SUSD5: variants seen among roughly 807,000 people sequenced by gnomAD.
The protein encoded by SUSD5 is sushi domain containing 5.
A neutral mutation model predicts 29.5 loss-of-function variants in SUSD5; 33 were observed. The ratio of observed to expected loss-of-function variants is 1.12; its 90% confidence interval spans 0.85 to 1.49. SUSD5 has a LOEUF of 1.49. Among genes scored for constraint, SUSD5 ranks in the 40% most tolerant of loss-of-function variants. The pLI, the probability that SUSD5 is intolerant of heterozygous loss-of-function variation, is 0.00. For synonymous variants in SUSD5, 308 were observed against 325.3 expected, an observed-to-expected ratio of 0.95 and a Z score of 0.57; for missense variants, 776 against 800.6, an observed-to-expected ratio of 0.97 and a Z score of 0.37.
At position 33,183,930 on chromosome 3, in the gene SUSD5, C is replaced by CTTTTTTTTT. The variant is rs68055129; in HGVS notation, c.410-8865_410-8857dup. Among the ~76,000 whole-genome samples the CTTTTTTTTT allele has an allele frequency of 5.0e-3, 313 of 62,574 alleles. 20 individuals are homozygous for CTTTTTTTTT. Among genetic ancestry groups the CTTTTTTTTT allele is most frequent in the Non-Finnish European group, 6.3e-3 (224 of 35,464 alleles). 41.1% of individuals were successfully genotyped at this position (62,574 alleles called of 152,430 possible). On this transcript the variant is annotated intron_variant, in intron 3 of 4. Transcript: ENST00000309558. ...AACACTTTAAATATTTTATTACCCT[C>CTTTTTTTTT]TTTTTTTTTTTTTTTTTTTTTTTTT...
At chr3:33,217,790 GCTTTTCT>G (rs2032451109) in intron 1 of SUSD5, among the ~76,000 whole-genome samples, 3 of 152,034 alleles carry the variant, frequency 2.0e-5, no homozygotes, top group Admixed American at 2.0e-4. Flanking sequence ...TTGACGGAGG[GCTTTTCT>G]CTTTTATCAG....
chr3:33,198,442 T>C (rs929298410), intron 3 of SUSD5, among the ~76,000 whole-genome samples: 2 of 152,226 alleles, frequency 1.3e-5, no homozygotes, highest in Non-Finnish European at 1.5e-5. Context: ...TTCACTTTCT[T>C]GTCATAAACA....
chr3:33,175,739 T>C (rs2031539183), intron 3 of SUSD5, among the ~76,000 whole-genome samples: 1 of 152,076 alleles, frequency 6.6e-6, no homozygotes, highest in African/African-American at 2.4e-5. Flanking sequence ...TACAGAGAGT[T>C]CCCCTATACC....
intron 4 of SUSD5, among the ~76,000 whole-genome samples, chr3:33,155,905 A>C (rs1402509802): frequency 6.6e-6 from 1 of 152,236 alleles, no homozygotes; most frequent in Admixed American, 6.5e-5. Context: ...GGTATGGTAC[A>C]AACAGGACTT....
intron 4 of SUSD5, among the ~76,000 whole-genome samples, chr3:33,165,416 T>C (rs947879821): frequency 1.1e-4 from 16 of 152,188 alleles, no homozygotes; most frequent in African/African-American, 3.9e-4. Context: ...GTGGTCTGCT[T>C]CTTGACCTGG....
intron 2 of SUSD5, among the ~76,000 whole-genome samples, chr3:33,208,137 T>C (rs147936133): frequency 2.0e-4 from 31 of 152,340 alleles, no homozygotes; most frequent in African/African-American, 5.8e-4. Flanking sequence ...TAGGTATCAA[T>C]TCGAGTTTCA....
intron 4 of SUSD5, among the ~76,000 whole-genome samples, chr3:33,165,340 T>C (rs930633190): frequency 6.6e-6 from 1 of 152,168 alleles, no homozygotes; most frequent in Non-Finnish European, 1.5e-5. Flanking sequence ...GTAGTGTGGA[T>C]AGTGGTTACT....
intron 3 of SUSD5, among the ~76,000 whole-genome samples, chr3:33,176,063 C>T (rs1474993855): frequency 6.6e-6 from 1 of 152,198 alleles, no homozygotes; most frequent in East Asian, 1.9e-4. Context: ...CCATAGTTTG[C>T]CTTTTCCAGA....
chr3:33,155,585 TGGGTACCAA>T (rs1232238795), intron 4 of SUSD5, among the ~76,000 whole-genome samples: 1 of 152,170 alleles, frequency 6.6e-6, no homozygotes, highest in Non-Finnish European at 1.5e-5. Context: ...TGTGTGCATA[TGGGTACCAA>T]AAGACACGCC....
Position 33,169,048 on chromosome 3 carries a change from T to A in SUSD5, c.598+5838A>T, listed in dbSNP as rs572427134. 5.3e-5 allele frequency among the ~76,000 whole-genome samples: 8 copies of A among 150,358 alleles called. No homozygotes were observed. In the South Asian group the frequency reaches 1.7e-3, roughly 32 times the overall value. On this transcript the variant is annotated intron_variant, in intron 4 of 4. Transcript: ENST00000309558. ...GTACCTCAGTGTTCCCATCTATAAA[T>A]TGGTACTCGACATTTCTACGGAATT...
intron 4 of SUSD5, among the ~76,000 whole-genome samples, chr3:33,162,453 A>G (rs2031210180): frequency 6.6e-6 from 1 of 152,218 alleles, no homozygotes; most frequent in South Asian, 2.1e-4. Flanking sequence ...GAAATAAATA[A>G]AAAACAAACA....
chr3:33,214,729 G>A (rs993634119), intron 1 of SUSD5, among the ~76,000 whole-genome samples: 32 of 152,078 alleles, frequency 2.1e-4, no homozygotes, highest in African/African-American at 7.5e-4. Context: ...GATTAATGGG[G>A]GGATGGGAAC....
intron 3 of SUSD5, chr3:33,190,273 CT>C: frequency 6.1e-6 from 1 of 164,102 alleles, no homozygotes. Context: ...CAAGTCTGCC[CT>C]TTCTGCCTTC....
Position 33,153,489 on chromosome 3 carries a change from C to T in SUSD5, c.1143G>A (p.Trp381Ter), listed in dbSNP as rs1323012751. 2 of 1,614,106 alleles carry T rather than the reference C, an allele frequency of 1.2e-6. No homozygotes were observed. The highest frequency in any genetic ancestry group is 8.5e-7 in the Non-Finnish European group (1 of 1,180,014). The stretch of plus-strand genomic sequence containing the variant: ...CTTCCTCTTCTGCCTCTGTCTTCCT[C>T]CAAGCCCCCTCTGTCACAGGGTAGC... ...LDGYPVTEGA[W>*]RKTEAEEEED... is the part of the protein sequence containing the mutation. The change falls in exon 5 of 5, where the codon TGG (tryptophan) becomes TGA (stop). Residue 381 changes from tryptophan to a stop codon, truncating the protein, a stop_gained. Coordinates refer to ENST00000309558, the MANE Select transcript of SUSD5 (RefSeq NM_015551.2). LOFTEE classifies it low-confidence loss of function (END_TRUNC).
chr3:33,199,710 C>T (rs374684499), intron 3 of SUSD5, among the ~76,000 whole-genome samples: 8 of 152,326 alleles, frequency 5.3e-5, no homozygotes, highest in Non-Finnish European at 7.4e-5. Context: ...AAAATTCATA[C>T]GTTGAAACCT....
intron 3 of SUSD5, among the ~76,000 whole-genome samples, chr3:33,189,586 T>A (rs1216319520): frequency 1.3e-5 from 2 of 151,790 alleles, no homozygotes; most frequent in African/African-American, 4.8e-5. Context: ...AAAAATCAAA[T>A]TTTTCCTTTA....
chr3:33,218,594 G>C, intron 1 of SUSD5, 92 bp downstream of exon 1: 1 of 1,124,116 alleles, frequency 8.9e-7, no homozygotes, highest in Non-Finnish European at 1.1e-6. Flanking sequence ...CCGCTTGCCG[G>C]GCCGGTCAGA....
chr3:33,207,335 C>T (rs956491391), intron 3 of SUSD5, among the ~76,000 whole-genome samples: 10 of 152,206 alleles, frequency 6.6e-5, no homozygotes, highest in East Asian at 1.9e-4. Flanking sequence ...CCCATGCACA[C>T]GGACTCCTGG....
chr3:33,162,572 G>C (rs2031214159), intron 4 of SUSD5, among the ~76,000 whole-genome samples: 1 of 152,166 alleles, frequency 6.6e-6, no homozygotes, highest in South Asian at 2.1e-4. Flanking sequence ...AGATGCAAAT[G>C]AAAAACATTA....
Sources: allele counts gnomAD v4.1 joint callset (sites outside exome capture counted in the v4.1 genomes callset), GRCh38; gene constraint gnomAD v4.1.1; transcripts MANE v1.5; gene names NCBI Gene and HGNC (gene_info 2026-07-23, HGNC 2026-07-21).